The following SLC9A9 variants were observed in gnomAD, a reference collection of about 807,000 sequenced individuals.
SLC9A9 encodes sodium/hydrogen exchanger 9.
SLC9A9 carries 62 observed loss-of-function variants against 77.8 expected under a neutral mutation model. The observed-to-expected ratio is 0.80, with a 90% CI of 0.65 to 0.98. The LOEUF is 0.98. SLC9A9 is among the 50% of genes least tolerant of loss of function. The pLI, the probability that SLC9A9 is intolerant of heterozygous loss-of-function variation, is 0.00. For synonymous variants in SLC9A9, 320 were observed against 283.5 expected (o/e 1.13, Z -1.29); for missense variants, 775 against 774.9 (o/e 1.00, Z 0.00).
At chr3:143,747,397 T>G (rs1340036920) in intron 4 of SLC9A9, among the ~76,000 whole-genome samples, 1 of 102,522 alleles carries the variant, frequency 9.8e-6, no homozygotes, top group Non-Finnish European at 1.8e-5. Context: ...AGAGTGAAAC[T>G]CCATCTCAAA....
intron 6 of SLC9A9, among the ~76,000 whole-genome samples, chr3:143,605,200 A>G (rs1559989516): frequency 6.6e-6 from 1 of 152,198 alleles, no homozygotes; most frequent in African/African-American, 2.4e-5. Flanking sequence ...TCAGTGTATT[A>G]AAGAAGTGCC....
At chr3:143,530,754 A>C (rs1293390116) in intron 9 of SLC9A9, among the ~76,000 whole-genome samples, 1 of 152,214 alleles carries the variant, frequency 6.6e-6, no homozygotes, top group African/African-American at 2.4e-5. Flanking sequence ...TAAGGGTTGG[A>C]TCTGGCTTCT....
At position 143,508,667 on chromosome 3, in the gene SLC9A9, A is replaced by T. The variant is rs142380137; in HGVS notation, c.1090-13219T>A. Among the ~76,000 whole-genome samples, 315 of 152,310 alleles carry T rather than the reference A, an allele frequency of 2.1e-3. 1 individual carries two copies. The highest frequency in any genetic ancestry group is 7.2e-3 in the African/African-American group (301 of 41,576). On this transcript the variant is annotated intron_variant, in intron 9 of 15. Transcript: ENST00000316549. ...ACAGTAATCAGAACTTCTCAGAAAA[A>T]TTTCTTTTACCACATTTCCCCCATC...
intron 6 of SLC9A9, among the ~76,000 whole-genome samples, chr3:143,635,390 G>T (rs2038502034): frequency 6.6e-6 from 1 of 152,150 alleles, no homozygotes; most frequent in South Asian, 2.1e-4. Flanking sequence ...CCCATTTCTG[G>T]ATAGGAGTGT....
At chr3:143,404,121 T>C (rs936893170) in intron 12 of SLC9A9, among the ~76,000 whole-genome samples, 6 of 152,064 alleles carry the variant, frequency 3.9e-5, no homozygotes, top group Admixed American at 3.9e-4. Flanking sequence ...AATTTTTCAT[T>C]TGTTATTATA....
chr3:143,712,311 G>A (rs374334875), intron 4 of SLC9A9, among the ~76,000 whole-genome samples: 4 of 152,326 alleles, frequency 2.6e-5, no homozygotes, highest in African/African-American at 4.8e-5. Flanking sequence ...CTTTGAGGAT[G>A]CAGCACAGAA....
At chr3:143,784,705 G>A (rs140248472) in intron 4 of SLC9A9, among the ~76,000 whole-genome samples, 1 of 152,084 alleles carries the variant, frequency 6.6e-6, no homozygotes, top group African/African-American at 2.4e-5. Context: ...TATCTCTGAA[G>A]ATATTTTATA....
At chr3:143,502,564 C>T (rs1438879371) in intron 9 of SLC9A9, among the ~76,000 whole-genome samples, 1 of 151,976 alleles carries the variant, frequency 6.6e-6, no homozygotes, top group Non-Finnish European at 1.5e-5. Flanking sequence ...TGTAATTTTA[C>T]CATATTATTA....
intron 6 of SLC9A9, among the ~76,000 whole-genome samples, chr3:143,587,311 A>G (rs1455630357): frequency 2.0e-5 from 3 of 152,256 alleles, no homozygotes; most frequent in African/African-American, 7.2e-5. Context: ...AACATAATAA[A>G]TAGCTAAGCA....
intron 14 of SLC9A9, among the ~76,000 whole-genome samples, chr3:143,276,154 C>T (rs1938041800): frequency 6.6e-6 from 1 of 152,168 alleles, no homozygotes; most frequent in Non-Finnish European, 1.5e-5. Flanking sequence ...TTTGAAAGCT[C>T]TCAGGGGCCT....
intron 5 of SLC9A9, among the ~76,000 whole-genome samples, chr3:143,668,003 A>G (rs1165362413): frequency 3.3e-5 from 5 of 152,178 alleles, no homozygotes; most frequent in African/African-American, 1.2e-4. Context: ...AAAGGATTAT[A>G]AATCATGCTG....
At chr3:143,408,247 G>T (rs954326470) in intron 12 of SLC9A9, among the ~76,000 whole-genome samples, 1 of 152,150 alleles carries the variant, frequency 6.6e-6, no homozygotes, top group African/African-American at 2.4e-5. Context: ...TACTGTTGGG[G>T]TCTGAGATTC....
At chr3:143,762,680 A>C (rs2007173695) in intron 4 of SLC9A9, among the ~76,000 whole-genome samples, 1 of 152,142 alleles carries the variant, frequency 6.6e-6, no homozygotes, top group South Asian at 2.1e-4. Flanking sequence ...CCTGTGTATG[A>C]ACACAGCACA....
At chr3:143,317,970 G>A (rs1214197391) in intron 14 of SLC9A9, among the ~76,000 whole-genome samples, 5 of 152,078 alleles carry the variant, frequency 3.3e-5, no homozygotes, top group Admixed American at 6.6e-5. Context: ...CTCATGATCT[G>A]CCCACCTTGG....
At chr3:143,743,248 TAG>T (rs1216250735) in intron 4 of SLC9A9, among the ~76,000 whole-genome samples, 1 of 86,506 alleles carries the variant, frequency 1.2e-5, no homozygotes, top group East Asian at 2.5e-4. Flanking sequence ...GATGGATAGA[TAG>T]ATAGATAGAT....
At chr3:143,556,372 A>C (rs2036982699) in intron 8 of SLC9A9, among the ~76,000 whole-genome samples, 1 of 152,214 alleles carries the variant, frequency 6.6e-6, no homozygotes, top group South Asian at 2.1e-4. Context: ...GGGGCCCTAT[A>C]AACCATGCTT....
chr3:143,517,846 A>G, intron 9 of SLC9A9: 5 of 1,600,312 alleles, frequency 3.1e-6, no homozygotes, highest in Non-Finnish European at 4.3e-6. Flanking sequence ...TCTGGAGTTC[A>G]CCATCGTTTA....
chr3:143,379,504 C>T (rs2033253691), intron 13 of SLC9A9, among the ~76,000 whole-genome samples: 1 of 152,176 alleles, frequency 6.6e-6, no homozygotes, highest in African/African-American at 2.4e-5. Context: ...GGTAATCGAA[C>T]ATTATCATGA....
intron 4 of SLC9A9, among the ~76,000 whole-genome samples, chr3:143,721,708 C>A (rs1391208517): frequency 6.6e-6 from 1 of 152,060 alleles, no homozygotes; most frequent in Non-Finnish European, 1.5e-5. Flanking sequence ...GAGCCTCGGG[C>A]AGAAGTGACG....
Sources: gnomAD v4.1 joint callset for allele counts (sites outside exome capture counted in the v4.1 genomes callset) on GRCh38, gnomAD v4.1.1 for gene constraint, MANE v1.5 for transcripts, NCBI Gene and HGNC (gene_info 2026-07-23, HGNC 2026-07-21) for gene names.